CADPS2: variants seen among roughly 807,000 people sequenced by gnomAD.
CADPS2 encodes the protein calcium dependent secretion activator 2.
A neutral mutation model predicts 172.5 loss-of-function variants in CADPS2; 93 were observed. That is an observed-to-expected ratio of 0.54 (90% CI 0.46 to 0.64). CADPS2 has a LOEUF of 0.64. CADPS2 is among the 30% of genes least tolerant of loss of function. The pLI, the probability that CADPS2 is intolerant of heterozygous loss-of-function variation, is 0.00. For synonymous variants in CADPS2, 546 were observed against 555.2 expected (o/e 0.98, Z 0.23); for missense variants, 1,420 against 1,565.9 (o/e 0.91, Z 1.57).
intron 25 of CADPS2, among the ~76,000 whole-genome samples, chr7:122,367,405 G>A (rs2041065634): frequency 6.6e-6 from 1 of 151,720 alleles, no homozygotes. Flanking sequence ...TGAGAATCTA[G>A]GAAGTTGGAT....
intron 3 of CADPS2, among the ~76,000 whole-genome samples, chr7:122,645,681 A>ATCTATCTCTC (rs1554688696): frequency 2.6e-5 from 3 of 116,818 alleles, no homozygotes; most frequent in African/African-American, 9.6e-5. Flanking sequence ...ATATATATAT[A>ATCTATCTCTC]TCTTGGGATT....
At chr7:122,670,395 C>A (rs969619889) in intron 2 of CADPS2, among the ~76,000 whole-genome samples, 8 of 151,830 alleles carry the variant, frequency 5.3e-5, no homozygotes, top group African/African-American at 1.9e-4. Flanking sequence ...CTGGGCAAAA[C>A]CCTGTCTCTA....
Position 122,379,377 on chromosome 7 carries a change from T to A in CADPS2, c.3378A>T (p.Leu1126Phe). 6.3e-7 allele frequency: 1 copy of A among 1,589,478 alleles called. No homozygotes were observed. The highest frequency in any genetic ancestry group is 8.6e-7 in the Non-Finnish European group (1 of 1,161,052). ...ATAAATAATACATTACCTTTGAAAC[T>A]AACAGTGAAATGATTTCTTTTACAC... is the stretch of plus-strand genomic sequence containing the variant. ...DNSVKEIISL[L>F]VSKFVSVLEG... is the part of the protein sequence containing the mutation. Residue 1126 changes from leucine (L) to phenylalanine (F), a missense_variant, in exon 25 of 30, where the codon TTA (leucine) becomes TTT (phenylalanine). Leu to Phe is a conservative substitution (Grantham distance 22). Coordinates refer to ENST00000449022, the MANE Select transcript of CADPS2 (RefSeq NM_017954.11).
chr7:122,763,209 C>A (rs892603996), intron 1 of CADPS2, among the ~76,000 whole-genome samples: 1 of 152,112 alleles, frequency 6.6e-6, no homozygotes. Context: ...TGCATAGCAA[C>A]TCCCAATTGC....
chr7:122,447,543 A>ATTTTTTTTTTTT lies in CADPS2; in HGVS notation c.2288+3819_2288+3830dup, dbSNP rs1159112244. Among the ~76,000 whole-genome samples the ATTTTTTTTTTTT allele has an allele frequency of 2.6e-3, 237 of 89,784 alleles. 32 individuals carry two copies. Among genetic ancestry groups the ATTTTTTTTTTTT allele is most frequent in the East Asian group, 6.9e-3 (18 of 2,594 alleles). 58.9% of individuals were successfully genotyped at this position (89,784 alleles called of 152,430 possible). On this transcript the variant is annotated intron_variant, in intron 15 of 29. Transcript: ENST00000449022. ...CCATGTTGATTTCTTGTTTCGGGGA[A>ATTTTTTTTTTTT]TTTTTTTTTTTTTTTTTTTTTTTTT...
chr7:122,702,690 GC>G (rs763861249), intron 2 of CADPS2: 2 of 1,612,824 alleles, frequency 1.2e-6, no homozygotes, highest in Non-Finnish European at 1.7e-6. Context: ...AAGATACTAA[GC>G]CTCAAAAGTC....
chr7:122,345,453 G>A, intron 28 of CADPS2, 121 bp downstream of exon 28: 1 of 621,868 alleles, frequency 1.6e-6, no homozygotes, highest in Non-Finnish European at 2.8e-6. Flanking sequence ...CAACTTTTTA[G>A]TATAGAAGAT....
chr7:122,490,027 A>T, intron 11 of CADPS2, 54 bp downstream of exon 11: 2 of 1,486,200 alleles, frequency 1.3e-6, no homozygotes, highest in Non-Finnish European at 1.9e-6. Flanking sequence ...CCTCAATTTT[A>T]TATCTTATTA....
At chr7:122,716,653 A>T (rs1483038817) in intron 2 of CADPS2, among the ~76,000 whole-genome samples, 1 of 152,178 alleles carries the variant, frequency 6.6e-6, no homozygotes, top group Admixed American at 6.6e-5. Flanking sequence ...CGTTGTGCAC[A>T]TGTACCCTAG....
intron 1 of CADPS2, among the ~76,000 whole-genome samples, chr7:122,796,166 A>G (rs978905367): frequency 6.6e-6 from 1 of 152,230 alleles, no homozygotes; most frequent in Non-Finnish European, 1.5e-5. Context: ...GAGGTGAAAT[A>G]TCTCCACAAG....
chr7:122,737,118 A>C (rs747324684), intron 1 of CADPS2, 50 bp from the exon 2 acceptor site: 1 of 876,192 alleles, frequency 1.1e-6, no homozygotes, highest in Admixed American at 2.0e-5. Flanking sequence ...TACATGAAAA[A>C]ATAATGACTA....
chr7:122,728,492 G>A lies in CADPS2; in HGVS notation c.453+8463C>T, dbSNP rs549154250. Among the ~76,000 whole-genome samples, 39 of 151,894 alleles carry A rather than the reference G, an allele frequency of 2.6e-4. No homozygotes were observed. The Middle Eastern group carries it at 0.024, about 93-fold the overall frequency. ...GGAAGAAGCTAATTTCTGAAGTCAA[G>A]TTCCTTGGTATTCTAGACTAGGAAG... On this transcript the variant is annotated intron_variant, in intron 2 of 29. Transcript: ENST00000449022.
At chr7:122,667,698 G>T (rs1052314682) in intron 2 of CADPS2, among the ~76,000 whole-genome samples, 2 of 152,022 alleles carry the variant, frequency 1.3e-5, no homozygotes, top group Admixed American at 1.3e-4. Flanking sequence ...AACTCTGCTG[G>T]GGGGCCAGAG....
intron 1 of CADPS2, among the ~76,000 whole-genome samples, chr7:122,775,261 T>C (rs1370116457): frequency 2.0e-5 from 3 of 152,196 alleles, no homozygotes; most frequent in Non-Finnish European, 4.4e-5. Context: ...GATAACAAAT[T>C]AGTCTGCCAT....
chr7:122,802,206 CCT>C lies in CADPS2; in HGVS notation c.340-65140_340-65139del, dbSNP rs904118652. ...ATACTGTAAATGTGTGAAATATCCC[CCT>C]GATTACCCTACAAATGCACCCAAAA... On this transcript the variant is annotated intron_variant, in intron 1 of 29. Transcript: ENST00000449022. Among the ~76,000 whole-genome samples, 12 of 152,220 alleles carry C rather than the reference CCT, an allele frequency of 7.9e-5. No homozygotes were observed. In the East Asian group the frequency reaches 1.2e-3, roughly 15 times the overall value.
rs549481301 is a variant in CADPS2, at chr7:122,491,325, G to A, written c.1638C>T (p.Thr546=). 4.9e-5 allele frequency: 78 copies of A among 1,600,238 alleles called. 2 individuals are homozygous for A. In the South Asian group the frequency reaches 7.4e-4, roughly 15 times the overall value. ...ATTAAGATTTACCTGGGTGGGGATC[G>A]GTATAATCCACAGTATAGCCTTCAA... ...MQLEGYTVDY[T]DPHPGLQGGC... is the part of the protein sequence containing the mutation. The change falls in exon 10 of 30, where the codon ACC becomes ACT. Residue 546 remains threonine (T), a synonymous_variant. Transcript: ENST00000449022.
At chr7:122,364,622 G>A (rs1486549801) in intron 25 of CADPS2, among the ~76,000 whole-genome samples, 2 of 151,388 alleles carry the variant, frequency 1.3e-5, no homozygotes, top group African/African-American at 4.9e-5. Flanking sequence ...AGCTACTCAG[G>A]AGACTGAGGC....
intron 1 of CADPS2, among the ~76,000 whole-genome samples, chr7:122,841,824 A>ACT (rs140931285): frequency 6.6e-6 from 1 of 151,992 alleles, no homozygotes; most frequent in Non-Finnish European, 1.5e-5. Flanking sequence ...TTAGTACTGT[A>ACT]TTTTTTTTAC....
At position 122,571,705 on chromosome 7, in the gene CADPS2, C is replaced by T. The variant is rs572576768; in HGVS notation, c.1335+9474G>A. Among the ~76,000 whole-genome samples the T allele has an allele frequency of 4.6e-5, 7 of 152,284 alleles. No individual in the cohort carries two copies. In the South Asian group the frequency reaches 6.2e-4, roughly 14 times the overall value. On this transcript the variant is annotated intron_variant, in intron 7 of 29. Coordinates refer to ENST00000449022, the MANE Select transcript of CADPS2 (RefSeq NM_017954.11). ...CCTTTCCCTGTCTGCGCTCCTGCTT[C>T]GTCACTGGTGTGGTGACTGAGATAT...
Sources: gnomAD v4.1 joint callset for allele counts (sites outside exome capture counted in the v4.1 genomes callset) on GRCh38, gnomAD v4.1.1 for gene constraint, MANE v1.5 for transcripts, NCBI Gene and HGNC (gene_info 2026-07-23, HGNC 2026-07-21) for gene names.